PRKN: variants seen among roughly 807,000 people sequenced by gnomAD.
PRKN encodes parkin RBR E3 ubiquitin protein ligase, also known as E3 ubiquitin-protein ligase parkin.
A neutral mutation model predicts 59.5 loss-of-function variants in PRKN; 56 were observed. The ratio of observed to expected loss-of-function variants is 0.94; its 90% CI spans 0.76 to 1.18. PRKN has a LOEUF of 1.18. Ranked by LOEUF, PRKN falls within the 50% of genes most tolerant of loss-of-function variation. The pLI is 0.00. For synonymous variants in PRKN, 250 were observed against 222.1 expected (o/e 1.13, Z -1.12); for missense variants, 657 against 596.4 (o/e 1.10, Z -1.06).
intron 4 of PRKN, among the ~76,000 whole-genome samples, chr6:162,143,683 C>T (rs1465860579): frequency 6.6e-6 from 1 of 152,136 alleles, no homozygotes; most frequent in East Asian, 1.9e-4. Context: ...TAAAGCATTG[C>T]ACATATTAGG....
chr6:161,632,011 T>G (rs1440106058), intron 7 of PRKN, among the ~76,000 whole-genome samples: 2 of 152,178 alleles, frequency 1.3e-5, no homozygotes, highest in African/African-American at 2.4e-5. Flanking sequence ...TACATTAAAA[T>G]GGTCTGTACA....
chr6:162,218,249 G>A (rs963671783), intron 3 of PRKN, among the ~76,000 whole-genome samples: 1 of 152,232 alleles, frequency 6.6e-6, no homozygotes, highest in African/African-American at 2.4e-5. Context: ...CTGGGCAGCA[G>A]GAATGATGGT....
intron 6 of PRKN, among the ~76,000 whole-genome samples, chr6:161,972,733 A>T (rs1197426174): frequency 6.6e-6 from 1 of 151,972 alleles, no homozygotes; most frequent in Admixed American, 6.6e-5. Flanking sequence ...GTGTTCATAA[A>T]TTTTTTTTCC....
chr6:162,032,007 C>T (rs1235187339), intron 5 of PRKN, among the ~76,000 whole-genome samples: 4 of 152,142 alleles, frequency 2.6e-5, no homozygotes, highest in African/African-American at 7.2e-5. Flanking sequence ...AAATTGTTTA[C>T]ACCCTCTGGT....
chr6:161,570,124 TAAAAAA>T (rs55699586), intron 7 of PRKN, among the ~76,000 whole-genome samples: 29 of 51,420 alleles, frequency 5.6e-4, no homozygotes, highest in African/African-American at 2.3e-3. Context: ...AGTAAATAGG[TAAAAAA>T]AAAAAAAAAA....
intron 6 of PRKN, among the ~76,000 whole-genome samples, chr6:161,951,423 C>A (rs1239950002): frequency 3.3e-5 from 5 of 152,168 alleles, no homozygotes; most frequent in Admixed American, 3.3e-4. Context: ...GGAAATTAGT[C>A]TTTGAAAGAA....
intron 5 of PRKN, among the ~76,000 whole-genome samples, chr6:161,987,247 A>C (rs995131804): frequency 6.6e-6 from 1 of 152,260 alleles, no homozygotes; most frequent in Non-Finnish European, 1.5e-5. Context: ...GAAAACTAAG[A>C]TGAATAAAAC....
intron 1 of PRKN, among the ~76,000 whole-genome samples, chr6:162,559,135 A>G (rs1779732772): frequency 6.9e-6 from 1 of 144,064 alleles, no homozygotes; most frequent in Non-Finnish European, 1.5e-5. Flanking sequence ...TGGGCGACAG[A>G]GCAAGATTCC....
rs201703369 is a variant in PRKN at position 161,517,980 on chromosome 6, A to ACATGAAAT, written c.1083+30866_1083+30873dup. Among the ~76,000 whole-genome samples, 772 of 152,336 alleles carry ACATGAAAT rather than the reference A, an allele frequency of 5.1e-3. 9 individuals are homozygous for ACATGAAAT. Among genetic ancestry groups the ACATGAAAT allele is most frequent in the Middle Eastern group, 0.017 (5 of 294 alleles). On this transcript the variant is annotated intron_variant, in intron 9 of 11. Coordinates refer to ENST00000366898, the MANE Select transcript of PRKN (RefSeq NM_004562.3). The stretch of plus-strand genomic sequence containing the variant: ...TATTTCAAAATAAAAAGTAAAGCAC[A>ACATGAAAT]CATGAAATCAAGAGGACTATTATTT...
intron 7 of PRKN, among the ~76,000 whole-genome samples, chr6:161,727,798 C>G (rs1424017698): frequency 6.6e-6 from 1 of 152,166 alleles, no homozygotes; most frequent in Non-Finnish European, 1.5e-5. Flanking sequence ...ATGCAACTTA[C>G]AAAAAGGTTT....
chr6:162,575,152 C>T (rs1780507477), intron 1 of PRKN, among the ~76,000 whole-genome samples: 1 of 152,142 alleles, frequency 6.6e-6, no homozygotes, highest in Admixed American at 6.5e-5. Context: ...AAATGAGGCT[C>T]GACGTCCCTC....
chr6:161,557,630 A>C (rs967546645), intron 8 of PRKN, among the ~76,000 whole-genome samples: 6 of 152,134 alleles, frequency 3.9e-5, no homozygotes, highest in Admixed American at 2.0e-4. Flanking sequence ...AGGCTGCTTC[A>C]CTCTGATGCT....
At chr6:161,618,470 C>A (rs2128149589) in intron 7 of PRKN, among the ~76,000 whole-genome samples, 1 of 152,208 alleles carries the variant, frequency 6.6e-6, no homozygotes, top group Admixed American at 6.5e-5. Context: ...CCAGCTTTTC[C>A]TTTTCTCTCT....
chr6:162,107,375 G>C (rs1348195536), intron 4 of PRKN, among the ~76,000 whole-genome samples: 1 of 152,192 alleles, frequency 6.6e-6, no homozygotes, highest in African/African-American at 2.4e-5. Flanking sequence ...TGAGGCAGGA[G>C]TATCGCATGA....
Position 162,072,777 on chromosome 6 carries a change from AT to A in PRKN, c.535-18604del, listed in dbSNP as rs573133907. ...AGGATGGGGGTGTTTCTGAACATCA[AT>A]TTTATGATATGTAATGTGGAAATAA... On this transcript the variant is annotated intron_variant, in intron 4 of 11. Transcript: ENST00000366898. Among the ~76,000 whole-genome samples, 5 of 152,302 alleles carry A rather than the reference AT, an allele frequency of 3.3e-5. No homozygotes were observed. In the South Asian group the frequency reaches 1.0e-3, roughly 32 times the overall value.
At chr6:161,832,886 G>T (rs1224942959) in intron 6 of PRKN, among the ~76,000 whole-genome samples, 1 of 151,852 alleles carries the variant, frequency 6.6e-6, no homozygotes, top group African/African-American at 2.4e-5. Context: ...TCCTACTTGG[G>T]ACGACCAACT....
intron 9 of PRKN, among the ~76,000 whole-genome samples, chr6:161,517,739 CAAAAAA>C (rs3032892): frequency 6.2e-5 from 3 of 48,382 alleles, no homozygotes; most frequent in East Asian, 8.1e-4. Context: ...GACTCTATCT[CAAAAAA>C]AAAAAAAAAA....
Position 161,386,701 on chromosome 6 carries a change from T to C in PRKN, c.1167+93A>G, listed in dbSNP as rs185908514. The C allele has an allele frequency of 5.5e-5, 56 of 1,013,714 alleles. No individual in the cohort carries two copies. The East Asian group carries it at 1.1e-3, about 21-fold the overall frequency. 62.8% of individuals were successfully genotyped at this position (1,013,714 alleles called of 1,614,324 possible). Reference sequence around the variant, plus strand: ...GCTACCAGTCTGCTTCTTGCTTTTTTAGAATGGAACTCTCCATGACCTCCA... The same window carrying C: ...GCTACCAGTCTGCTTCTTGCTTTTTCAGAATGGAACTCTCCATGACCTCCA... On this transcript the variant is annotated intron_variant, in intron 10 of 11. Transcript: ENST00000366898. This position sits in a 1 kb window ranked among gnomAD's most constrained non-coding sequence, Gnocchi z 4.3.
At chr6:161,746,768 T>G (rs926093996) in intron 7 of PRKN, among the ~76,000 whole-genome samples, 1 of 146,076 alleles carries the variant, frequency 6.8e-6, no homozygotes, top group Non-Finnish European at 1.5e-5. Flanking sequence ...TCTATATAGA[T>G]ATATATGTCT....
Sources: gnomAD v4.1 joint callset for allele counts (sites outside exome capture counted in the v4.1 genomes callset) on GRCh38, gnomAD v4.1.1 for gene constraint, Gnocchi (gnomAD v3.1) non-coding constraint, MANE v1.5 for transcripts, NCBI Gene and HGNC (gene_info 2026-07-23, HGNC 2026-07-21) for gene names.